Variants in FBXW2 observed in about 807,000 individuals in gnomAD.
FBXW2 encodes F-box and WD repeat domain containing 2.
In FBXW2, 12 loss-of-function variants were observed where a neutral mutation model predicts 46.0. The ratio of observed to expected loss-of-function variants is 0.26; its 90% CI spans 0.17 to 0.42. The LOEUF is 0.42. Ranked by LOEUF, FBXW2 falls within the 10% of genes least tolerant of loss-of-function variation. The pLI, the probability that FBXW2 is intolerant of heterozygous loss-of-function variation, is 1.00. For missense variants in FBXW2, 360 were observed against 537.0 expected, an observed-to-expected ratio of 0.67 and a Z score of 3.26; for synonymous variants, 203 against 209.6, an observed-to-expected ratio of 0.97 and a Z score of 0.27.
chr9:120,780,176 GA>G (rs1228542204), intron 3 of FBXW2, among the ~76,000 whole-genome samples: 1 of 150,160 alleles, frequency 6.7e-6, no homozygotes, highest in East Asian at 2.0e-4. Context: ...CCAACATGGT[GA>G]AACCCTGTCT....
chr9:120,759,911 T>C lies in FBXW2; in HGVS notation c.*4648A>G. The stretch of plus-strand genomic sequence containing the variant: ...TGACCATTCAGTCTGATTAGGCTGA[T>C]GGGAATGGTGCAAAGACTACTCAGT... On this transcript the variant is annotated 3_prime_UTR_variant, in exon 8 of 8. Transcript: ENST00000608872. The C allele has an allele frequency of 6.6e-6, 1 of 152,232 alleles. No individual in the cohort carries two copies. The highest frequency in any genetic ancestry group is 1.9e-4 in the East Asian group (1 of 5,198). The allele number at this position is 152,232 out of a possible 1,614,324, so 9.4% of individuals were successfully genotyped here. A position where few individuals can be genotyped will look rare whatever the true frequency, so the allele number is the denominator to read the frequency against.
chr9:120,764,574 C>G lies in FBXW2; in HGVS notation c.1350G>C (p.Trp450Cys). The part of the protein sequence containing the change: ...MPDHSIHLVL[W>C]KEHG ...GCTCATGGTGTCAGCCGTGCTCCTT[C>G]CACAACACCAGGTGAATACTGTGGT... is the stretch of plus-strand genomic sequence containing the variant. The change falls in exon 8 of 8, where the codon TGG (tryptophan) becomes TGC (cysteine). Residue 450 changes from tryptophan (W) to cysteine (C), a missense_variant. Coordinates refer to ENST00000608872, the MANE Select transcript of FBXW2 (RefSeq NM_012164.4). 1 of 1,613,256 alleles carries G rather than the reference C, an allele frequency of 6.2e-7. No homozygotes were observed. The highest frequency in any genetic ancestry group is 8.5e-7 in the Non-Finnish European group (1 of 1,179,208).
chr9:120,757,847 T>C lies in FBXW2; in HGVS notation c.*6712A>G, dbSNP rs538930901. ...CCAAATGTACTCAGAACACTTCAGATGTTTACAGGATATGGCAGAAGAGGG... is the reference window on the plus strand; with the variant it reads ...CCAAATGTACTCAGAACACTTCAGACGTTTACAGGATATGGCAGAAGAGGG... On this transcript the variant is annotated 3_prime_UTR_variant, in exon 8 of 8. Transcript: ENST00000608872. 1 of 152,336 alleles carries C rather than the reference T, an allele frequency of 6.6e-6. No individual in the cohort carries two copies. Among genetic ancestry groups the C allele is most frequent in the African/African-American group, 2.4e-5 (1 of 41,586 alleles). 9.4% of individuals were successfully genotyped at this position (152,336 alleles called of 1,614,324 possible).
chr9:120,771,475 T>C lies in FBXW2; in HGVS notation c.949A>G (p.Thr317Ala), dbSNP rs2044373355. The change falls in exon 7 of 8, where the codon ACA becomes GCA. Residue 317 changes from threonine (T) to alanine (A), a missense_variant. By Grantham distance (58) the Thr-to-Ala change is moderately conservative. Transcript: ENST00000608872. ...GREINCKCLK[T>A]LSVSEDRSIC... is the part of the protein sequence containing the mutation. ...CTTCTATCCTCAGAGACAGACAATG[T>C]CTTTAAGCACTTACAGTTGATTTCT... is the stretch of plus-strand genomic sequence containing the variant. The C allele has an allele frequency of 1.2e-6, 2 of 1,613,586 alleles. No homozygotes were observed. The highest frequency in any genetic ancestry group is 1.7e-6 in the Non-Finnish European group (2 of 1,179,922).
At chr9:120,775,548 T>C (rs1431639879) in intron 5 of FBXW2, among the ~76,000 whole-genome samples, 4 of 152,230 alleles carry the variant, frequency 2.6e-5, no homozygotes, top group African/African-American at 9.6e-5. Flanking sequence ...AAAGTGCTTC[T>C]GCGTGGTATA....
chr9:120,766,739 C>T lies in FBXW2; in HGVS notation c.1077-1892G>A, dbSNP rs188840730. On this transcript the variant is annotated intron_variant, in intron 7 of 7. Transcript: ENST00000608872. ...CCTCCCAAAGTGCTGGGATTACAGG[C>T]GTGAGCCACTGCACCCAGCGTGTTA... is the stretch of plus-strand genomic sequence containing the variant. 5.9e-3 allele frequency among the ~76,000 whole-genome samples: 898 copies of T among 152,308 alleles called. 11 individuals carry two copies. The highest frequency in any genetic ancestry group is 0.01 in the Non-Finnish European group (682 of 68,030).
intron 4 of FBXW2, chr9:120,776,772 T>G (rs2044506013): frequency 6.5e-6 from 1 of 153,278 alleles, no homozygotes; most frequent in South Asian, 2.0e-4. Flanking sequence ...CCAAAAACAG[T>G]GTAAGCTGTA....
In FBXW2 at chr9:120,762,070, T is replaced by C. The variant is rs1252489562; in HGVS notation, c.*2489A>G. 2 of 152,378 alleles carry C rather than the reference T, an allele frequency of 1.3e-5. No homozygotes were observed. Among genetic ancestry groups the C allele is most frequent in the African/African-American group, 2.4e-5 (1 of 41,476 alleles). The allele number at this position is 152,378 out of a possible 1,614,324, so 9.4% of individuals were successfully genotyped here. A position where few individuals can be genotyped will look rare whatever the true frequency, so the allele number is the denominator to read the frequency against. ...AAAGTAAAAACTCGGCCAGGCGTGG[T>C]GGCTCACGCCTGTAATCCCAGCACT... On this transcript the variant is annotated 3_prime_UTR_variant, in exon 8 of 8. Coordinates refer to ENST00000608872, the MANE Select transcript of FBXW2 (RefSeq NM_012164.4).
intron 7 of FBXW2, among the ~76,000 whole-genome samples, chr9:120,769,800 G>A (rs2044338501): frequency 6.6e-6 from 1 of 152,228 alleles, no homozygotes; most frequent in Admixed American, 6.5e-5. Context: ...GCTGGGCAAG[G>A]CCCCTACCCT....
chr9:120,781,265 A>G (rs1441875741), intron 3 of FBXW2, among the ~76,000 whole-genome samples: 2 of 152,214 alleles, frequency 1.3e-5, no homozygotes, highest in Non-Finnish European at 2.9e-5. Flanking sequence ...TAAAGCAACT[A>G]TTAAATATCT....
intron 3 of FBXW2, among the ~76,000 whole-genome samples, chr9:120,779,485 C>T (rs1167589548): frequency 6.6e-6 from 1 of 152,130 alleles, no homozygotes; most frequent in Non-Finnish European, 1.5e-5. Flanking sequence ...GAAAAATAGC[C>T]ATCACTTATG....
At chr9:120,771,932 G>A (rs1034681164) in intron 6 of FBXW2, among the ~76,000 whole-genome samples, 2 of 151,694 alleles carry the variant, frequency 1.3e-5, no homozygotes, top group Admixed American at 6.6e-5. Flanking sequence ...GATAGCACAC[G>A]CCTGTAATCC....
intron 5 of FBXW2, among the ~76,000 whole-genome samples, chr9:120,775,606 T>C (rs189591467): frequency 6.6e-6 from 1 of 152,168 alleles, no homozygotes. Flanking sequence ...TTGTTTTTTT[T>C]AAAAAAGAAA....
rs1232704433 is a variant in FBXW2, at chr9:120,780,980, CTTTTGT to C, written c.491-2441_491-2436del. Among the ~76,000 whole-genome samples the C allele has an allele frequency of 3.3e-5, 5 of 151,134 alleles. No homozygotes were observed. In the East Asian group the frequency reaches 9.7e-4, roughly 29 times the overall value. Reference sequence around the variant, plus strand: ...TGATTGGTTCTTCAACTACACTCCTCTTTTGTTTTTAAGCTGGGCTTTGGTATAGGA... The same window carrying C: ...TGATTGGTTCTTCAACTACACTCCTCTTTTAAGCTGGGCTTTGGTATAGGA... On this transcript the variant is annotated intron_variant, in intron 3 of 7. Transcript: ENST00000608872.
At chr9:120,787,189 C>T (rs567514876) in intron 3 of FBXW2, among the ~76,000 whole-genome samples, 2 of 152,320 alleles carry the variant, frequency 1.3e-5, no homozygotes, top group African/African-American at 2.4e-5. Flanking sequence ...CCGCCACGCC[C>T]GGCTACTTTT....
intron 3 of FBXW2, among the ~76,000 whole-genome samples, chr9:120,786,662 G>A (rs772807017): frequency 3.3e-5 from 5 of 152,128 alleles, no homozygotes; most frequent in Non-Finnish European, 5.9e-5. Context: ...TATCTTGGAT[G>A]AAAAAGAACA....
At chr9:120,783,786 T>C (rs1020581363) in intron 3 of FBXW2, among the ~76,000 whole-genome samples, 11 of 152,214 alleles carry the variant, frequency 7.2e-5, no homozygotes, top group African/African-American at 2.7e-4. Flanking sequence ...CAAAGCATAA[T>C]AGATTCCTTT....
At chr9:120,776,615 A>T (rs546643004) in intron 4 of FBXW2, 3 of 155,270 alleles carry the variant, frequency 1.9e-5, no homozygotes, top group Non-Finnish European at 4.3e-5. Context: ...GACAAAATAT[A>T]AAGAATGGAA....
rs2044407913 is a variant in FBXW2 at position 120,772,819 on chromosome 9, C to T, written c.841G>A (p.Val281Ile). The change falls in exon 6 of 8, where the codon GTC (valine) becomes ATC (isoleucine). Residue 281 changes from valine to isoleucine, a missense_variant. Coordinates refer to ENST00000608872, the MANE Select transcript of FBXW2 (RefSeq NM_012164.4). ...VTKVVLQKCK[V>I]KSLLHSPGDY... ...CCAGGACTGTGCAAGAGAGACTTGACTTTGCACTTCTGCAAAACTACCTGC... is the reference window on the plus strand; with the variant it reads ...CCAGGACTGTGCAAGAGAGACTTGATTTTGCACTTCTGCAAAACTACCTGC... 6.2e-7 allele frequency: 1 copy of T among 1,612,164 alleles called. No individual in the cohort carries two copies. The highest frequency in any genetic ancestry group is 8.5e-7 in the Non-Finnish European group (1 of 1,179,046).
Sources: gnomAD v4.1 joint callset for allele counts (sites outside exome capture counted in the v4.1 genomes callset) on GRCh38, gnomAD v4.1.1 for gene constraint, MANE v1.5 for transcripts, NCBI Gene and HGNC (gene_info 2026-07-23, HGNC 2026-07-21) for gene names.